The following RFX8 variants were observed in gnomAD, a reference collection of about 807,000 sequenced individuals.
RFX8 encodes regulatory factor X8.
RFX8 carries 46 observed loss-of-function variants against 54.6 expected under a neutral mutation model. The ratio of observed to expected loss-of-function variants is 0.84; its 90% CI spans 0.67 to 1.08. The LOEUF is 1.08. Among genes scored for constraint, RFX8 ranks in the 50% least tolerant of loss-of-function variants. The pLI is 0.00. For missense variants in RFX8, 536 were observed against 562.3 expected, an observed-to-expected ratio of 0.95 and a Z score of 0.47; for synonymous variants, 192 against 209.5, an observed-to-expected ratio of 0.92 and a Z score of 0.72.
chr2:101,466,168 C>T (rs4850979), intron 2 of RFX8, among the ~76,000 whole-genome samples: 81,476 of 151,794 alleles, frequency 0.54, 22,365 homozygotes, highest in Non-Finnish European at 0.6. Flanking sequence ...CAGCCATGCA[C>T]CCCCTGACAC....
At chr2:101,402,310 G>C in intron 11 of RFX8, 126 bp downstream of exon 11, 1 of 854,678 alleles carries the variant, frequency 1.2e-6, no homozygotes, top group South Asian at 1.8e-5. Flanking sequence ...AAATCACCTA[G>C]GGTAAAGATG....
chr2:101,464,444 C>T (rs543690564), intron 2 of RFX8, among the ~76,000 whole-genome samples: 3 of 152,314 alleles, frequency 2.0e-5, no homozygotes, highest in South Asian at 4.1e-4. Flanking sequence ...AACATCTGCA[C>T]AGGAACTTGG....
At chr2:101,455,556 T>C (rs895254250) in intron 2 of RFX8, among the ~76,000 whole-genome samples, 6 of 152,204 alleles carry the variant, frequency 3.9e-5, no homozygotes, top group African/African-American at 7.2e-5. Context: ...GAGGCCTCTG[T>C]TCTGGTCCAT....
chr2:101,422,565 T>G (rs1686928493), intron 2 of RFX8, 93 bp from the exon 3 acceptor site: 1 of 738,044 alleles, frequency 1.4e-6, no homozygotes, highest in Non-Finnish European at 2.4e-6. Context: ...TATAAGTTAA[T>G]ATTGTGTATA....
rs1343015874 is a variant in RFX8, at chr2:101,402,507, A to G, written c.1174T>C (p.Tyr392His). Residue 392 changes from tyrosine (Y) to histidine (H), a missense_variant, in exon 11 of 12, where the codon TAT becomes CAT. Transcript: ENST00000428343. ...VMPTHMGQGR[Y>H]PVGVSNMVLR... ...ACCATGTTGCTCACACCCACGGGATATCGGCCCTGGCCCATGTGTGTGGGC... is the reference window on the plus strand; with the variant it reads ...ACCATGTTGCTCACACCCACGGGATGTCGGCCCTGGCCCATGTGTGTGGGC... 7 of 1,551,674 alleles carry G rather than the reference A, an allele frequency of 4.5e-6. No individual in the cohort carries two copies. The highest frequency in any genetic ancestry group is 2.0e-5 in the Admixed American group (1 of 50,982).
rs1685537527 is a variant in RFX8 at position 101,403,006 on chromosome 2, G to A, written c.929-254C>T. Among the ~76,000 whole-genome samples, 2 of 152,294 alleles carry A rather than the reference G, an allele frequency of 1.3e-5. 1 individual carries two copies. The highest frequency in any genetic ancestry group is 4.2e-4 in the South Asian group (2 of 4,816). ...ATGAAAAGGAACTTAAAATCCATCCGGTGTGAGATGGGAGAAAAGCAAACC... is the reference window on the plus strand; with the variant it reads ...ATGAAAAGGAACTTAAAATCCATCCAGTGTGAGATGGGAGAAAAGCAAACC... On this transcript the variant is annotated intron_variant, in intron 10 of 11. Coordinates refer to ENST00000428343, the MANE Select transcript of RFX8 (RefSeq NM_001145664.2).
chr2:101,413,790 G>A (rs553601870), intron 7 of RFX8, among the ~76,000 whole-genome samples: 143 of 152,312 alleles, frequency 9.4e-4, no homozygotes, highest in Non-Finnish European at 1.7e-3. Flanking sequence ...GACTGACCGA[G>A]TCAGGACTGT....
intron 2 of RFX8, among the ~76,000 whole-genome samples, chr2:101,426,461 G>A (rs1004604807): frequency 1.3e-5 from 2 of 152,216 alleles, no homozygotes; most frequent in Non-Finnish European, 2.9e-5. Flanking sequence ...GGAGACTCCA[G>A]TGAGCTGTGA....
chr2:101,464,699 G>T (rs539997440), intron 2 of RFX8, among the ~76,000 whole-genome samples: 4 of 152,132 alleles, frequency 2.6e-5, no homozygotes, highest in Non-Finnish European at 5.9e-5. Flanking sequence ...AATTCTAAAG[G>T]AATCCGAGAG....
chr2:101,429,408 C>T (rs1471876119), intron 2 of RFX8, among the ~76,000 whole-genome samples: 1 of 152,176 alleles, frequency 6.6e-6, no homozygotes, highest in Non-Finnish European at 1.5e-5. Context: ...TGTAGAAGAA[C>T]ACCTTTACAG....
At chr2:101,428,154 G>A (rs1025150537) in intron 2 of RFX8, among the ~76,000 whole-genome samples, 16 of 152,218 alleles carry the variant, frequency 1.1e-4, no homozygotes, top group East Asian at 1.9e-4. Context: ...ATTAGCCGGC[G>A]TGGTTGCAGG....
At chr2:101,410,738 CA>C in intron 8 of RFX8, 25 bp from the exon 9 acceptor site, 1 of 1,199,528 alleles carries the variant, frequency 8.3e-7, no homozygotes, top group African/African-American at 1.5e-5. Context: ...AATAAACAAA[CA>C]AAAGATTGCA....
At chr2:101,417,150 A>G (rs943491638) in intron 6 of RFX8, among the ~76,000 whole-genome samples, 1 of 152,340 alleles carries the variant, frequency 6.6e-6, no homozygotes, top group Non-Finnish European at 1.5e-5. Context: ...GCTGAAAGCT[A>G]CCACCCAGGG....
intron 11 of RFX8, among the ~76,000 whole-genome samples, chr2:101,401,259 C>CTGTTTTGTTT (rs534901932): frequency 6.6e-6 from 1 of 152,128 alleles, no homozygotes; most frequent in Non-Finnish European, 1.5e-5. Context: ...TCCCCGGCTC[C>CTGTTTTGTTT]TGTTTTGTTT....
intron 8 of RFX8, 110 bp from the exon 9 acceptor site, chr2:101,410,823 A>G: frequency 1.6e-6 from 1 of 639,842 alleles, no homozygotes; most frequent in Non-Finnish European, 2.8e-6. Flanking sequence ...AATAGCTCGA[A>G]GGGACTCCCC....
intron 4 of RFX8, 55 bp from the exon 5 acceptor site, chr2:101,419,019 A>C (rs1270316120): frequency 2.3e-6 from 2 of 871,368 alleles, no homozygotes; most frequent in Non-Finnish European, 3.7e-6. Flanking sequence ...TCGCAAGACT[A>C]ACCCCCCGCC....
chr2:101,405,187 C>G (rs989161801), intron 10 of RFX8, among the ~76,000 whole-genome samples: 1 of 151,186 alleles, frequency 6.6e-6, no homozygotes, highest in African/African-American at 2.4e-5. Flanking sequence ...GTTCTTGTCA[C>G]CCAGGCTGGA....
chr2:101,441,212 C>T (rs988558242), intron 2 of RFX8, among the ~76,000 whole-genome samples: 4 of 152,258 alleles, frequency 2.6e-5, no homozygotes, highest in East Asian at 1.9e-4. Context: ...CCTCATGATC[C>T]GCCTGCCTCG....
At chr2:101,460,968 G>C (rs1041609246) in intron 2 of RFX8, among the ~76,000 whole-genome samples, 1 of 151,522 alleles carries the variant, frequency 6.6e-6, no homozygotes, top group African/African-American at 2.4e-5. Context: ...AAAATGTACG[G>C]GAGAAAAATG....
Sources: allele counts gnomAD v4.1 joint callset (sites outside exome capture counted in the v4.1 genomes callset), GRCh38; gene constraint gnomAD v4.1.1; transcripts MANE v1.5; gene names NCBI Gene and HGNC (gene_info 2026-07-23, HGNC 2026-07-21).